Variants in ZNF668 observed in about 807,000 individuals in gnomAD.
The protein encoded by ZNF668 is zinc finger protein 668.
Under a neutral mutation model 40.3 loss-of-function variants are expected in ZNF668, and 10 were observed. The ratio of observed to expected loss-of-function variants is 0.25; its 90% CI spans 0.15 to 0.42. The LOEUF (loss-of-function observed/expected upper bound fraction) is 0.42. Among genes scored for constraint, ZNF668 ranks in the 10% least tolerant of loss-of-function variants. The pLI, the probability that ZNF668 is intolerant of heterozygous loss-of-function variation, is 1.00. For missense variants in ZNF668, 749 were observed against 904.6 expected, an observed-to-expected ratio of 0.83 and a Z score of 2.21; for synonymous variants, 428 against 384.6, an observed-to-expected ratio of 1.11 and a Z score of -1.32.
intron 1 of ZNF668, among the ~76,000 whole-genome samples, chr16:31,072,051 A>G (rs1234416175): frequency 6.6e-6 from 1 of 152,236 alleles, no homozygotes; most frequent in African/African-American, 2.4e-5. Flanking sequence ...TCTTATGAGA[A>G]GTGACACCAC....
At position 31,062,091 on chromosome 16, in the gene ZNF668, G is replaced by T. The variant is rs770473058; in HGVS notation, c.837C>A (p.Pro279=). Residue 279 remains proline (P), a synonymous_variant, in exon 3 of 3, where the codon CCC becomes CCA. Coordinates refer to ENST00000300849, the MANE Select transcript of ZNF668 (RefSeq NM_024706.5). ...SHERTHSGEK[P]FLCPRCGRMF... Reference sequence around the variant, plus strand: ...TGCGGCCGCAGCGCGGGCACAGGAAGGGCTTCTCCCCCGAGTGCGTGCGCT... The same window carrying T: ...TGCGGCCGCAGCGCGGGCACAGGAATGGCTTCTCCCCCGAGTGCGTGCGCT... 1 of 1,613,764 alleles carries T rather than the reference G, an allele frequency of 6.2e-7. No individual in the cohort carries two copies. The highest frequency in any genetic ancestry group is 8.5e-7 in the Non-Finnish European group (1 of 1,179,808).
chr16:31,061,992 C>G lies in ZNF668; in HGVS notation c.936G>C (p.Lys312Asn). The G allele has an allele frequency of 6.2e-7, 1 of 1,613,828 alleles. No individual in the cohort carries two copies. Among genetic ancestry groups the G allele is most frequent in the Non-Finnish European group, 8.5e-7 (1 of 1,179,876 alleles). ...CCGGCTGCCGGAAGTCCTTGCCGCA[C>G]TTCTCGCAGTGGTATGGCTTCACCC... ...HEGVKPYHCE[K>N]CGKDFRQPAD... The change falls in exon 3 of 3, where the codon AAG becomes AAC. Residue 312 changes from lysine (K) to asparagine (N), a missense_variant. Lys to Asn is a moderately conservative substitution (Grantham distance 94). This residue lies in a region of ZNF668 where 129 missense variants were observed against 231.2 expected (regional missense o/e 0.56). Transcript: ENST00000300849. This position sits in a 1 kb window ranked among gnomAD's most constrained non-coding sequence, Gnocchi z 7.7.
chr16:31,062,349 C>G, intron 2 of ZNF668, 69 bp from the exon 3 acceptor site: 1 of 1,517,368 alleles, frequency 6.6e-7, no homozygotes, highest in Non-Finnish European at 8.8e-7. Flanking sequence ...CCTGTCTGGG[C>G]TGTACTTTAG....
intron 1 of ZNF668, chr16:31,064,829 A>G: frequency 2.8e-6 from 4 of 1,450,598 alleles, no homozygotes; most frequent in Non-Finnish European, 3.6e-6. Context: ...AGTGTCCAAG[A>G]ACTATGCCAG....
intron 1 of ZNF668, chr16:31,066,090 G>C (rs2056980028): frequency 1.0e-6 from 1 of 985,304 alleles, no homozygotes; most frequent in African/African-American, 1.7e-5. Context: ...CATCCTTAAA[G>C]TCAGCACCCT....
chr16:31,071,743 C>T (rs937781842), intron 1 of ZNF668, among the ~76,000 whole-genome samples: 4 of 152,238 alleles, frequency 2.6e-5, no homozygotes, highest in Admixed American at 2.0e-4. Flanking sequence ...GCATGAGCCA[C>T]AGTGACCAGC....
In ZNF668 at chr16:31,065,853, C is replaced by CAAA. The variant is rs58263461; in HGVS notation, c.-22-1375_-22-1373dup. Among the ~76,000 whole-genome samples the CAAA allele has an allele frequency of 4.5e-3, 638 of 142,480 alleles. 2 individuals are homozygous for CAAA. Among genetic ancestry groups the CAAA allele is most frequent in the African/African-American group, 4.4e-3 (172 of 38,864 alleles). The allele number at this position is 142,480 out of a possible 152,430, so 93.5% of individuals were successfully genotyped here. On this transcript the variant is annotated intron_variant, in intron 1 of 2. Transcript: ENST00000300849. ...TGGGCGACAGAGCAAGACTCCGTCT[C>CAAA]AAAAAAAAAAAAATAAAAAGACTAT... is the stretch of plus-strand genomic sequence containing the variant.
rs1321551316 is a variant in ZNF668, at chr16:31,064,411, G to A, written c.49C>T (p.Arg17Cys). 4 of 1,613,070 alleles carry A rather than the reference G, an allele frequency of 2.5e-6. No individual in the cohort carries two copies. Among genetic ancestry groups the A allele is most frequent in the Non-Finnish European group, 3.4e-6 (4 of 1,179,964 alleles). Residue 17 changes from arginine to cysteine, a missense_variant, in exon 2 of 3, where the codon CGC becomes TGC. Transcript: ENST00000300849. ...AGGCACTTGTAGCGGCGGCCCGAGC[G>A]CTTGTAGCCGGGGGCTGGGGACCGG... is the stretch of plus-strand genomic sequence containing the variant. ...EARSPAPGYK[R>C]SGRRYKCLSC...
chr16:31,067,113 G>A (rs998620321), intron 1 of ZNF668, among the ~76,000 whole-genome samples: 5 of 152,256 alleles, frequency 3.3e-5, no homozygotes, highest in African/African-American at 1.2e-4. Flanking sequence ...AGCTACTCCA[G>A]AAGGCTGAGG....
At chr16:31,063,754 G>A (rs926606956) in intron 2 of ZNF668, 59 bp downstream of exon 2, 3 of 1,448,990 alleles carry the variant, frequency 2.1e-6, no homozygotes, top group South Asian at 2.8e-5. Context: ...GGCCCCATTG[G>A]CTGCAGCAAC....
At chr16:31,069,576 CTT>C (rs1555498663) in intron 1 of ZNF668, among the ~76,000 whole-genome samples, 1 of 107,110 alleles carries the variant, frequency 9.3e-6, no homozygotes, top group Non-Finnish European at 2.5e-5. Flanking sequence ...AAATTTTTTC[CTT>C]TTTTAACCAA....
chr16:31,072,677 A>C (rs1240650269), intron 1 of ZNF668: 1 of 152,296 alleles, frequency 6.6e-6, no homozygotes, highest in Non-Finnish European at 1.5e-5. Flanking sequence ...ACCCTGCAGA[A>C]GTGAGCGCTA....
chr16:31,067,098 C>T (rs893829260), intron 1 of ZNF668, among the ~76,000 whole-genome samples: 2 of 152,020 alleles, frequency 1.3e-5, no homozygotes, highest in Admixed American at 6.6e-5. Flanking sequence ...CATGCCTGTA[C>T]TCCCAGCTAC....
intron 1 of ZNF668, among the ~76,000 whole-genome samples, chr16:31,071,958 T>C (rs1279064297): frequency 6.6e-6 from 1 of 152,194 alleles, no homozygotes; most frequent in Non-Finnish European, 1.5e-5. Flanking sequence ...ATTGTGACTG[T>C]ATTTGGAGAC....
chr16:31,066,135 G>A (rs1673689253), intron 1 of ZNF668: 1 of 985,306 alleles, frequency 1.0e-6, no homozygotes, highest in South Asian at 4.7e-5. Context: ...CCTGCACGCT[G>A]CCCTCCCTCC....
chr16:31,063,567 A>T (rs1007777882), intron 2 of ZNF668, among the ~76,000 whole-genome samples: 24 of 152,170 alleles, frequency 1.6e-4, no homozygotes, highest in African/African-American at 5.8e-4. Context: ...CCCCCTTTCC[A>T]GCTGGCCTAC....
chr16:31,061,300 G>A lies in ZNF668; in HGVS notation c.1628C>T (p.Pro543Leu), dbSNP rs1477869815. The A allele has an allele frequency of 1.3e-6, 2 of 1,575,572 alleles. No individual in the cohort carries two copies. The highest frequency in any genetic ancestry group is 1.7e-4 in the Middle Eastern group (1 of 5,838). Residue 543 changes from proline to leucine, a missense_variant, in exon 3 of 3, where the codon CCC becomes CTC. Physicochemically the swap from Pro to Leu is moderately conservative, Grantham distance 98 (BLOSUM62 -3). Coordinates refer to ENST00000300849, the MANE Select transcript of ZNF668 (RefSeq NM_024706.5). The surrounding 1 kb of genome is among the most constrained non-coding windows in gnomAD (Gnocchi z 7.7). ...RHERSHPELRPFPCTQCGKSF... is the reference protein window; with the variant it reads ...RHERSHPELRLFPCTQCGKSF... ...CTTGCCGCACTGGGTGCAGGGGAAG[G>A]GCCGGAGCTCCGGGTGTGAGCGCTC...
chr16:31,065,918 TTA>T, intron 1 of ZNF668: 1 of 596,044 alleles, frequency 1.7e-6, no homozygotes. Flanking sequence ...GGCTTCTAAG[TTA>T]TGACACTGGG....
chr16:31,071,823 G>GT (rs1409803603), intron 1 of ZNF668, among the ~76,000 whole-genome samples: 1 of 152,144 alleles, frequency 6.6e-6, no homozygotes, highest in East Asian at 1.9e-4. Context: ...CATGGGCAAG[G>GT]TATCATTCTA....
Sources: allele counts gnomAD v4.1 joint callset (sites outside exome capture counted in the v4.1 genomes callset), GRCh38; gene constraint gnomAD v4.1.1; regional missense constraint gnomAD v4.1.1; non-coding constraint Gnocchi (gnomAD v3.1); transcripts MANE v1.5; gene names NCBI Gene and HGNC (gene_info 2026-07-23, HGNC 2026-07-21).